DOK6: variants seen among roughly 807,000 people sequenced by gnomAD.
The protein encoded by DOK6 is downstream of tyrosine kinase 6.
A neutral mutation model predicts 44.0 loss-of-function variants in DOK6; 22 were observed. That is an observed-to-expected ratio of 0.50 (90% CI 0.36 to 0.71). The LOEUF is 0.71. DOK6 is among the 30% of genes least tolerant of loss of function. The pLI, the probability that DOK6 is intolerant of heterozygous loss-of-function variation, is 0.00. For synonymous variants in DOK6, 166 were observed against 145.5 expected (o/e 1.14, Z -1.01); for missense variants, 340 against 416.4 (o/e 0.82, Z 1.60).
At chr18:69,443,157 G>T (rs1568259364) in intron 1 of DOK6, among the ~76,000 whole-genome samples, 1 of 152,130 alleles carries the variant, frequency 6.6e-6, no homozygotes, top group South Asian at 2.1e-4. Flanking sequence ...ATTTACATAG[G>T]ATCTATAGAT....
intron 5 of DOK6, among the ~76,000 whole-genome samples, chr18:69,705,904 T>C (rs1368652204): frequency 1.5e-5 from 2 of 131,796 alleles, no homozygotes; most frequent in African/African-American, 2.7e-5. Flanking sequence ...AGAAATCTTC[T>C]CCATAAATGT....
intron 5 of DOK6, among the ~76,000 whole-genome samples, chr18:69,733,411 C>A (rs1169527344): frequency 6.6e-6 from 1 of 152,070 alleles, no homozygotes; most frequent in Non-Finnish European, 1.5e-5. Flanking sequence ...ACATTTTTTA[C>A]AGTGACATAA....
At chr18:69,406,841 G>A (rs1481560770) in intron 1 of DOK6, among the ~76,000 whole-genome samples, 1 of 152,182 alleles carries the variant, frequency 6.6e-6, no homozygotes, top group East Asian at 1.9e-4. Flanking sequence ...AACATTTTGG[G>A]AGGCCGAGGC....
At chr18:69,704,230 G>GC (rs1013343175) in intron 5 of DOK6, among the ~76,000 whole-genome samples, 3 of 152,024 alleles carry the variant, frequency 2.0e-5, no homozygotes, top group Non-Finnish European at 4.4e-5. Flanking sequence ...GGCCTCCACA[G>GC]CCCCCCCACC....
intron 1 of DOK6, among the ~76,000 whole-genome samples, chr18:69,525,938 C>G (rs1981818952): frequency 6.6e-6 from 1 of 151,946 alleles, no homozygotes; most frequent in African/African-American, 2.4e-5. Context: ...GAAACACACA[C>G]AGTAAAGTTT....
chr18:69,838,015 A>C (rs1982099813), intron 7 of DOK6, among the ~76,000 whole-genome samples: 1 of 152,124 alleles, frequency 6.6e-6, no homozygotes, highest in Non-Finnish European at 1.5e-5. Flanking sequence ...TTTCCTGTGG[A>C]GCCTGGAATT....
At chr18:69,774,133 G>GATATATATATATAGAT (rs1555670146) in intron 7 of DOK6, among the ~76,000 whole-genome samples, 2 of 66,866 alleles carry the variant, frequency 3.0e-5, no homozygotes, top group African/African-American at 8.3e-5. Context: ...ATATATATGA[G>GATATATATATATAGAT]ATATATATAT....
At chr18:69,611,949 T>TACACAC (rs56185499) in intron 3 of DOK6, among the ~76,000 whole-genome samples, 62,346 of 149,900 alleles carry the variant, frequency 0.42, 13,201 homozygotes, top group Non-Finnish European at 0.45. Context: ...ATATAAAACT[T>TACACAC]ACACACACAC....
At chr18:69,488,368 C>G (rs1980642296) in intron 1 of DOK6, among the ~76,000 whole-genome samples, 1 of 152,212 alleles carries the variant, frequency 6.6e-6, no homozygotes. Context: ...CTCCCTCCCT[C>G]TGTTTGGGCT....
At chr18:69,748,157 A>G (rs896246657) in intron 6 of DOK6, among the ~76,000 whole-genome samples, 2 of 152,220 alleles carry the variant, frequency 1.3e-5, no homozygotes, top group South Asian at 2.1e-4. Context: ...AGGGCATTAC[A>G]TAATGGTAAA....
At chr18:69,655,616 G>A (rs1179546790) in intron 3 of DOK6, among the ~76,000 whole-genome samples, 2 of 151,956 alleles carry the variant, frequency 1.3e-5, no homozygotes, top group South Asian at 2.1e-4. Flanking sequence ...AGCCAGGTGT[G>A]GAGGCAGGTG....
At chr18:69,626,787 G>A (rs1016027259) in intron 3 of DOK6, among the ~76,000 whole-genome samples, 30 of 152,202 alleles carry the variant, frequency 2.0e-4, no homozygotes, top group African/African-American at 7.2e-4. Context: ...CAAAGGAATG[G>A]TTCCCAGGTC....
At chr18:69,498,211 A>AT (rs1849231584) in intron 1 of DOK6, among the ~76,000 whole-genome samples, 1 of 152,312 alleles carries the variant, frequency 6.6e-6, no homozygotes, top group Admixed American at 6.5e-5. Context: ...ATTTGATTTC[A>AT]TTCCAATTAA....
intron 7 of DOK6, among the ~76,000 whole-genome samples, chr18:69,793,170 A>G (rs1000033864): frequency 1.3e-5 from 2 of 152,192 alleles, no homozygotes; most frequent in African/African-American, 2.4e-5. Context: ...CAGTAACTCA[A>G]TAGATTGACT....
At chr18:69,565,585 G>A (rs539334596) in intron 2 of DOK6, among the ~76,000 whole-genome samples, 1 of 150,444 alleles carries the variant, frequency 6.6e-6, no homozygotes, top group South Asian at 2.1e-4. Flanking sequence ...TTGCTATGTT[G>A]CTGGTCTCAA....
intron 1 of DOK6, among the ~76,000 whole-genome samples, chr18:69,471,059 G>A (rs1980086685): frequency 6.6e-6 from 1 of 151,908 alleles, no homozygotes; most frequent in Non-Finnish European, 1.5e-5. Context: ...AGACCAGCCT[G>A]ACCAATATAG....
At chr18:69,761,253 T>C (rs1979543393) in intron 7 of DOK6, among the ~76,000 whole-genome samples, 1 of 149,726 alleles carries the variant, frequency 6.7e-6, no homozygotes, top group Non-Finnish European at 1.5e-5. Flanking sequence ...TTACTACTCC[T>C]GAAATCTTAC....
chr18:69,450,645 A>C (rs1308007530), intron 1 of DOK6, among the ~76,000 whole-genome samples: 1 of 152,072 alleles, frequency 6.6e-6, no homozygotes, highest in African/African-American at 2.4e-5. Context: ...AAAACATGTT[A>C]AGGGCAGCCA....
chr18:69,551,233 A>G (rs946399571), intron 1 of DOK6, among the ~76,000 whole-genome samples: 3 of 152,200 alleles, frequency 2.0e-5, no homozygotes, highest in Admixed American at 2.0e-4. Context: ...AGAAAATAAC[A>G]CAGTTACATT....
Sources: gnomAD v4.1 joint callset for allele counts (sites outside exome capture counted in the v4.1 genomes callset) on GRCh38, gnomAD v4.1.1 for gene constraint, MANE v1.5 for transcripts, NCBI Gene and HGNC (gene_info 2026-07-23, HGNC 2026-07-21) for gene names.